The following IDI1 variants were observed in gnomAD, a reference collection of about 807,000 sequenced individuals.
IDI1 encodes the protein isopentenyl-diphosphate Delta-isomerase 1.
In IDI1, 23 loss-of-function variants were observed where a neutral mutation model predicts 32.9. The ratio of observed to expected loss-of-function variants is 0.70; its 90% CI spans 0.50 to 0.99. The LOEUF is 0.99. Among genes scored for constraint, IDI1 ranks in the 50% least tolerant of loss-of-function variants. The probability of loss-of-function intolerance (pLI) is 0.00; values close to 1 mark genes in which losing one functional copy is unlikely to be tolerated. For synonymous variants in IDI1, 133 were observed against 128.2 expected, an observed-to-expected ratio of 1.04 and a Z score of -0.25; for missense variants, 326 against 351.9, an observed-to-expected ratio of 0.93 and a Z score of 0.59.
At chr10:1,056,640 G>C in the IDI1 span, 1 of 152,248 alleles carries the variant, frequency 6.6e-6, no homozygotes, top group Non-Finnish European at 1.5e-5. Context: ...GGGTGGGGGC[G>C]TTGGCCCAGC....
At chr10:1,056,667 A>T in the IDI1 span, 1 of 152,198 alleles carries the variant, frequency 6.6e-6, no homozygotes, top group Non-Finnish European at 1.5e-5. Flanking sequence ...AGGGGTCTTC[A>T]GCGCGCCCAG....
intron 1 of IDI1, 112 bp from the exon 2 acceptor site, chr10:1,044,283 TC>T (rs1832730107): frequency 1.3e-6 from 1 of 742,606 alleles, no homozygotes; most frequent in Non-Finnish European, 2.2e-6. Flanking sequence ...CCACTCTGCA[TC>T]CCCACAGGGA....
At chr10:1,048,017 A>C (rs1352909802) in intron 1 of IDI1, among the ~76,000 whole-genome samples, 7 of 152,068 alleles carry the variant, frequency 4.6e-5, no homozygotes, top group Non-Finnish European at 1.5e-5. Flanking sequence ...TTTTGACATG[A>C]CTTTTTTTCC....
chr10:1,049,661 ATT>A (rs3053722), upstream of IDI1: 51 of 150,418 alleles, frequency 3.4e-4, 2 homozygotes, highest in Admixed American at 9.9e-4. Context: ...TACGTTCTAA[ATT>A]TTTTTTTTTT....
chr10:1,050,699 C>G (rs1832986370), upstream of IDI1, among the ~76,000 whole-genome samples: 1 of 152,186 alleles, frequency 6.6e-6, no homozygotes, highest in Non-Finnish European at 1.5e-5. Flanking sequence ...ATCACAGGGC[C>G]ACTCACACAC....
chr10:1,045,537 G>A (rs1471318014), intron 1 of IDI1, among the ~76,000 whole-genome samples: 1 of 152,226 alleles, frequency 6.6e-6, no homozygotes, highest in African/African-American at 2.4e-5. Flanking sequence ...TGCAATCTCA[G>A]CTCACTACAA....
At chr10:1,055,890 C>G in the IDI1 span, among the ~76,000 whole-genome samples, 18 of 152,248 alleles carry the variant, frequency 1.2e-4, no homozygotes, top group Non-Finnish European at 2.6e-4. Flanking sequence ...CTCACTGCAA[C>G]CTCCGCCTCC....
rs1328315110 is a variant in IDI1, at chr10:1,042,689, TC to T, written c.479del (p.Gly160GlufsTer2). On this transcript the variant is annotated frameshift_variant, in exon 4 of 5. Transcript: ENST00000381344. LOFTEE classifies it high-confidence loss of function. Reference sequence around the variant, plus strand: ...GCCGTCTCTGTGCTGCTCGCCTCACTCCAAGGGCGTCACTTTCCTCAAGCTC... The same window carrying T: ...GCCGTCTCTGTGCTGCTCGCCTCACTCAAGGGCGTCACTTTCCTCAAGCTC... ...PAELEESDALGVRRAAQRRLK... is the reference protein window; with the variant it reads ...PAELEESDALXVRRAAQRRLK... 1 of 1,614,064 alleles carries T rather than the reference TC, an allele frequency of 6.2e-7. No homozygotes were observed. The highest frequency in any genetic ancestry group is 8.5e-7 in the Non-Finnish European group (1 of 1,179,942).
chr10:1,051,682 C>T (rs1311132761), upstream of IDI1, among the ~76,000 whole-genome samples: 2 of 152,198 alleles, frequency 1.3e-5, no homozygotes, highest in East Asian at 3.8e-4. Flanking sequence ...TTTTTTACTG[C>T]TAACCATCAG....
chr10:1,054,090 G>T (rs1222489008), upstream of IDI1, among the ~76,000 whole-genome samples: 2 of 152,172 alleles, frequency 1.3e-5, no homozygotes, highest in Admixed American at 1.3e-4. Context: ...ACTAATCACA[G>T]ATCACTATAA....
chr10:1,041,692 T>A lies in IDI1; in HGVS notation c.538-188A>T, dbSNP rs184832104. Among the ~76,000 whole-genome samples the A allele has an allele frequency of 3.3e-5, 5 of 152,066 alleles. No homozygotes were observed. The East Asian group carries it at 9.6e-4, about 29-fold the overall frequency. On this transcript the variant is annotated intron_variant, in intron 4 of 4. Transcript: ENST00000381344. ...TTAATATTATATATGGAAAAATGAT[T>A]ACATCATTAGTTTCAAGTGTTTGCG...
chr10:1,049,163 C>A (rs369912932), upstream of IDI1: 12 of 1,201,278 alleles, frequency 1.0e-5, no homozygotes, highest in African/African-American at 8.1e-5. Context: ...GGTCAACACG[C>A]CCCACCCCCA....
Position 1,043,982 on chromosome 10 carries a change from C to T in IDI1, c.313+17G>A. ...TACACAAATCGCTTTACAAGAAAGA[C>T]TGTTTCAAAGCAGCACCTTTCTCAA... On this transcript the variant is annotated intron_variant, in intron 2 of 4. Transcript: ENST00000381344. 1 of 1,603,294 alleles carries T rather than the reference C, an allele frequency of 6.2e-7. No homozygotes were observed.
At chr10:1,041,563 TA>T (rs1832587617) in intron 4 of IDI1, 59 bp from the exon 5 acceptor site, 1 of 917,484 alleles carries the variant, frequency 1.1e-6, no homozygotes, top group South Asian at 1.7e-5. Context: ...AAAAAAAATC[TA>T]AAATTAGCTC....
At chr10:1,041,943 T>A (rs940227901) in intron 4 of IDI1, among the ~76,000 whole-genome samples, 1 of 151,802 alleles carries the variant, frequency 6.6e-6, no homozygotes, top group Non-Finnish European at 1.5e-5. Flanking sequence ...GTAGCTGGGA[T>A]TACAGACGTG....
Position 1,042,720 on chromosome 10 carries a change from G to A in IDI1, c.449C>T (p.Pro150Leu). The A allele has an allele frequency of 6.2e-7, 1 of 1,613,824 alleles. No individual in the cohort carries two copies. Among genetic ancestry groups the A allele is most frequent in the Non-Finnish European group, 8.5e-7 (1 of 1,179,812 alleles). Residue 150 changes from proline (P) to leucine (L), a missense_variant, in exon 4 of 5, where the codon CCA (proline) becomes CTA (leucine). Around this residue, in one of 2 missense-constraint regions of IDI1, gnomAD observed 205 missense variants for 273.5 expected, o/e 0.75. Coordinates refer to ENST00000381344, the MANE Select transcript of IDI1 (RefSeq NM_004508.4). Reference protein sequence around the residue: ...NTCCSHPLSNPAELEESDALG... With the variant: ...NTCCSHPLSNLAELEESDALG... ...GGCGTCACTTTCCTCAAGCTCGGCT[G>A]GATTGCTTAATGGATGACTACAACA...
Position 1,044,060 on chromosome 10 carries a change from A to T in IDI1, c.252T>A (p.Asn84Lys). 6.2e-7 allele frequency: 1 copy of T among 1,613,354 alleles called. No individual in the cohort carries two copies. The highest frequency in any genetic ancestry group is 8.5e-7 in the Non-Finnish European group (1 of 1,179,530). The change falls in exon 2 of 5, where the codon AAT (asparagine) becomes AAA (lysine). Residue 84 changes from asparagine (N) to lysine (K), a missense_variant. Coordinates refer to ENST00000381344, the MANE Select transcript of IDI1 (RefSeq NM_004508.4). Reference sequence around the variant, plus strand: ...TGGTCTCAGCTCCAATTTTATTGTCATTTTCATCAATAAGGATACACATCT... The same window carrying T: ...TGGTCTCAGCTCCAATTTTATTGTCTTTTTCATCAATAAGGATACACATCT... Reference protein sequence around the residue: ...LAEMCILIDENDNKIGAETKK... With the variant: ...LAEMCILIDEKDNKIGAETKK...
intron 1 of IDI1, among the ~76,000 whole-genome samples, chr10:1,044,976 A>G (rs2131578649): frequency 6.6e-6 from 1 of 152,372 alleles, no homozygotes; most frequent in East Asian, 1.9e-4. Flanking sequence ...GTGTGGGTGC[A>G]TGCCAATATT....
chr10:1,050,577 T>A (rs1437294398), upstream of IDI1, among the ~76,000 whole-genome samples: 1 of 152,202 alleles, frequency 6.6e-6, no homozygotes, highest in African/African-American at 2.4e-5. Flanking sequence ...GAAAGATGAA[T>A]AAAAAGATAA....
Sources: gnomAD v4.1 joint callset for allele counts (sites outside exome capture counted in the v4.1 genomes callset) on GRCh38, gnomAD v4.1.1 for gene constraint, gnomAD v4.1.1 regional missense constraint, MANE v1.5 for transcripts, NCBI Gene and HGNC (gene_info 2026-07-23, HGNC 2026-07-21) for gene names.